Variants in UBL4A observed in about 807,000 individuals in gnomAD.
The protein encoded by UBL4A is ubiquitin-like protein 4A.
A neutral mutation model predicts 11.4 loss-of-function variants in UBL4A; 4 were observed. The observed-to-expected ratio is 0.35, with a 90% CI of 0.17 to 0.81. The LOEUF (loss-of-function observed/expected upper bound fraction) is 0.81. Among genes scored for constraint, UBL4A ranks in the 30% least tolerant of loss-of-function variants. The pLI is 0.52. For missense variants in UBL4A, 112 were observed against 124.9 expected (o/e 0.90, Z 0.49); for synonymous variants, 72 against 61.2 (o/e 1.18, Z -0.83).
At position 154,484,357 on chromosome X, in the gene UBL4A, C is replaced by G. The variant is rs1264907255; in HGVS notation, c.*1182G>C. On this transcript the variant is annotated 3_prime_UTR_variant, in exon 4 of 4. Coordinates refer to ENST00000369660, the MANE Select transcript of UBL4A (RefSeq NM_014235.5). The stretch of plus-strand genomic sequence containing the variant: ...CCACAAGGCCCAGGCAGGAGGGCCT[C>G]CAGCACGCGCAGCCCTGACCACACT... 8.8e-6 allele frequency: 1 copy of G among 113,086 alleles called. No individual in the cohort carries two copies. Among genetic ancestry groups the G allele is most frequent in the African/African-American group, 3.2e-5 (1 of 31,173 alleles). 9.3% of individuals were successfully genotyped at this position (113,086 alleles called of 1,213,427 possible).
At chrX:154,486,516 G>T in intron 1 of UBL4A, 21 bp downstream of exon 1, 1 of 1,032,515 alleles carries the variant, frequency 9.7e-7, no homozygotes, top group Non-Finnish European at 1.2e-6. Context: ...CGGACCCGGC[G>T]GCCCGGCCCG....
rs372299383 is a variant in UBL4A, at chrX:154,485,636, G to T, written c.377C>A (p.Ser126Tyr). ...GTCGTCCAGCGTCAGGCGACTCAGG[G>T]ACCTCTCGTAATCCTGGGGAGAGAA... ...LEQLQRDYER[S>Y]LSRLTLDDIE... Residue 126 changes from serine to tyrosine, a missense_variant, in exon 4 of 4, where the codon TCC (serine) becomes TAC (tyrosine). By Grantham distance (144) the Ser-to-Tyr change is moderately radical (BLOSUM62 -2). Transcript: ENST00000369660. 4.1e-6 allele frequency: 5 copies of T among 1,205,933 alleles called. No homozygotes were observed. Among genetic ancestry groups the T allele is most frequent in the Non-Finnish European group, 5.6e-6 (5 of 893,235 alleles).
chrX:154,486,450 C>G (rs1316528230), intron 1 of UBL4A, 87 bp downstream of exon 1: 2 of 978,070 alleles, frequency 2.0e-6, no homozygotes, highest in Non-Finnish European at 2.6e-6. Context: ...CCGGCCGCCC[C>G]GTGCCCGCCC....
At position 154,486,594 on chromosome X, in the gene UBL4A, G is replaced by A; in HGVS notation, c.-10C>T. On this transcript the variant is annotated 5_prime_UTR_variant, in exon 1 of 4. Transcript: ENST00000369660. ...TCACCGTCAGCTGCATGGCGGTCGC[G>A]ACGGCGTCCACTCGGGCCGGCGCGC... The A allele has an allele frequency of 3.3e-6, 3 of 911,832 alleles. No homozygotes were observed. Among genetic ancestry groups the A allele is most frequent in the Non-Finnish European group, 4.1e-6 (3 of 737,564 alleles). The allele number at this position is 911,832 out of a possible 1,213,427, so 75.1% of individuals were successfully genotyped here. A position where few individuals can be genotyped will look rare whatever the true frequency, so the allele number is the denominator to read the frequency against.
In UBL4A at chrX:154,485,443, TATG is replaced by T. The variant is rs782013441; in HGVS notation, c.*93_*95del. The T allele has an allele frequency of 1.2e-5, 11 of 912,020 alleles. No individual in the cohort carries two copies. Among genetic ancestry groups the T allele is most frequent in the African/African-American group, 1.9e-5 (1 of 51,704 alleles). 75.2% of individuals were successfully genotyped at this position (912,020 alleles called of 1,213,427 possible). ...TGGCCAGAGCCAGGTACATGCCAGC[TATG>T]ATGATGATGAGCCCAACTGCAACAG... On this transcript the variant is annotated 3_prime_UTR_variant, in exon 4 of 4. Coordinates refer to ENST00000369660, the MANE Select transcript of UBL4A (RefSeq NM_014235.5).
Position 154,485,911 on chromosome X carries a change from C to T in UBL4A, c.223G>A (p.Glu75Lys). The T allele has an allele frequency of 8.3e-7, 1 of 1,210,948 alleles. No homozygotes were observed. Among genetic ancestry groups the T allele is most frequent in the Non-Finnish European group, 1.1e-6 (1 of 895,468 alleles). ...SKLNLVVKPL[E>K]KVLLEEGEAQ... The stretch of plus-strand genomic sequence containing the variant: ...TCGCCTTCTTCTAGTAGCACCTTCT[C>T]CAGGGGTTTGACCACTAGGTTGAGC... The change falls in exon 3 of 4, where the codon GAG (glutamate) becomes AAG (lysine). Residue 75 changes from glutamate (E) to lysine (K), a missense_variant. Physicochemically the swap from Glu to Lys is moderately conservative, Grantham distance 56. Coordinates refer to ENST00000369660, the MANE Select transcript of UBL4A (RefSeq NM_014235.5).
At position 154,485,869 on chromosome X, in the gene UBL4A, C is replaced by T. The variant is rs782283486; in HGVS notation, c.265G>A (p.Asp89Asn). ...TGCCAGACCTGCGGGGGTGGGGAGT[C>T]GGCCAGCCTCTGGGCCTCGCCTTCT... is the stretch of plus-strand genomic sequence containing the variant. ...LEEGEAQRLA[D>N]SPPPQVWQLI... The change falls in exon 3 of 4, where the codon GAC (aspartate) becomes AAC (asparagine). Residue 89 changes from aspartate (D) to asparagine (N), a missense_variant. By Grantham distance (23) the Asp-to-Asn change is conservative. Coordinates refer to ENST00000369660, the MANE Select transcript of UBL4A (RefSeq NM_014235.5). 2.2e-5 allele frequency: 27 copies of T among 1,208,617 alleles called. No homozygotes were observed. In the East Asian group the frequency reaches 7.1e-4, roughly 32 times the overall value.
rs1385439085 is a variant in UBL4A, at chrX:154,485,603, C to T, written c.410G>A (p.Arg137Gln). 8.3e-7 allele frequency: 1 copy of T among 1,208,589 alleles called. No homozygotes were observed. The highest frequency in any genetic ancestry group is 1.1e-6 in the Non-Finnish European group (1 of 894,761). ...AGGGTGCAGGAAGCGGCTGGCCAAC[C>T]GTTCGATGTCGTCCAGCGTCAGGCG... Reference protein sequence around the residue: ...LSRLTLDDIERLASRFLHPEV... With the variant: ...LSRLTLDDIEQLASRFLHPEV... Residue 137 changes from arginine (R) to glutamine (Q), a missense_variant, in exon 4 of 4, where the codon CGG (arginine) becomes CAG (glutamine). By Grantham distance (43) the Arg-to-Gln change is conservative. Coordinates refer to ENST00000369660, the MANE Select transcript of UBL4A (RefSeq NM_014235.5).
At chrX:154,486,073 GCGGCATC>G in intron 2 of UBL4A, 94 bp from the exon 3 acceptor site, 1 of 1,096,100 alleles carries the variant, frequency 9.1e-7, no homozygotes, top group Non-Finnish European at 1.2e-6. Context: ...GCGGAGCGCT[GCGGCATC>G]CGGCTGTGAG....
At position 154,483,913 on chromosome X, in the gene UBL4A, T is replaced by C. The variant is rs1325252800; in HGVS notation, c.*1626A>G. ...GGGAGGCAGAAGACACTGGGTGAAA[T>C]TGCTCACCTGCTGCCAATGCCAATA... is the stretch of plus-strand genomic sequence containing the variant. On this transcript the variant is annotated 3_prime_UTR_variant, in exon 4 of 4. Transcript: ENST00000369660. 4 of 112,498 alleles carry C rather than the reference T, an allele frequency of 3.6e-5. No homozygotes were observed. The highest frequency in any genetic ancestry group is 2.8e-4 in the East Asian group (1 of 3,612). 9.3% of individuals were successfully genotyped at this position (112,498 alleles called of 1,213,427 possible).
chrX:154,486,052 G>C (rs782366835), intron 2 of UBL4A, 73 bp from the exon 3 acceptor site: 4 of 1,144,089 alleles, frequency 3.5e-6, no homozygotes, highest in Admixed American at 2.3e-5. Context: ...AGGCCGCCTC[G>C]GGCGGCGGGA....
rs1158725841 is a variant in UBL4A, at chrX:154,484,680, G to A, written c.*859C>T. On this transcript the variant is annotated 3_prime_UTR_variant, in exon 4 of 4. Coordinates refer to ENST00000369660, the MANE Select transcript of UBL4A (RefSeq NM_014235.5). ...ACAGGGAGGCCAGTGCTGGGGATGA[G>A]GACAAAGGCCTACGCCCAGTCCCAG... 2.7e-5 allele frequency: 3 copies of A among 112,936 alleles called. No individual in the cohort carries two copies. Among genetic ancestry groups the A allele is most frequent in the African/African-American group, 9.7e-5 (3 of 31,083 alleles). The allele number at this position is 112,936 out of a possible 1,213,427, so 9.3% of individuals were successfully genotyped here.
intron 3 of UBL4A, 41 bp from the exon 4 acceptor site, chrX:154,485,690 GT>G (rs200846089): frequency 0.082 from 77,873 of 953,301 alleles, 1,810 homozygotes; most frequent in Non-Finnish European, 0.097. Context: ...GCTGCCAGTG[GT>G]GGGGGGGCAT....
In UBL4A at chrX:154,484,406, T is replaced by G. The variant is rs11550367; in HGVS notation, c.*1133A>C. ...CTGTGAGCAGCTCACTTGGCAAGGG[T>G]GAAGGGCCGGAGTGGCGTCCTCCTG... On this transcript the variant is annotated 3_prime_UTR_variant, in exon 4 of 4. Coordinates refer to ENST00000369660, the MANE Select transcript of UBL4A (RefSeq NM_014235.5). 1 of 112,828 alleles carries G rather than the reference T, an allele frequency of 8.9e-6. No homozygotes were observed. The highest frequency in any genetic ancestry group is 2.8e-4 in the East Asian group (1 of 3,573). The allele number at this position is 112,828 out of a possible 1,213,427, so 9.3% of individuals were successfully genotyped here.
In UBL4A at chrX:154,486,233, A is replaced by G; in HGVS notation, c.149T>C (p.Leu50Pro). ...CGTCTCCTCTCCCTGGGTACCTGCC[A>G]GGGCCTTGCCCTTGAACAGCAGCCG... is the stretch of plus-strand genomic sequence containing the variant. Reference protein sequence around the residue: ...QQRLLFKGKALADGKRLSDYS... With the variant: ...QQRLLFKGKAPADGKRLSDYS... Residue 50 changes from leucine to proline, a missense_variant, in exon 2 of 4, where the codon CTG becomes CCG. Coordinates refer to ENST00000369660, the MANE Select transcript of UBL4A (RefSeq NM_014235.5). 1 of 1,154,467 alleles carries G rather than the reference A, an allele frequency of 8.7e-7. No homozygotes were observed. Among genetic ancestry groups the G allele is most frequent in the Non-Finnish European group, 1.2e-6 (1 of 867,129 alleles).
chrX:154,486,194 CG>C, intron 2 of UBL4A, 33 bp downstream of exon 2: 1 of 1,130,188 alleles, frequency 8.8e-7, no homozygotes, highest in Non-Finnish European at 1.2e-6. Flanking sequence ...CCGCTTCCTG[CG>C]GGGCTCCCCG....
intron 1 of UBL4A, 43 bp from the exon 2 acceptor site, chrX:154,486,376 C>T: frequency 9.2e-7 from 1 of 1,083,546 alleles, no homozygotes; most frequent in South Asian, 2.2e-5. Flanking sequence ...AGCCCGCGGC[C>T]CCCAGACGGC....
Position 154,486,323 on chromosome X carries a change from T to C in UBL4A, c.59A>G (p.Asp20Gly). 1 of 1,142,950 alleles carries C rather than the reference T, an allele frequency of 8.7e-7. No homozygotes were observed. Among genetic ancestry groups the C allele is most frequent in the Non-Finnish European group, 1.2e-6 (1 of 861,716 alleles). The allele number at this position is 1,142,950 out of a possible 1,213,427, so 94.2% of individuals were successfully genotyped here. ...GRECSLQVPE[D>G]ELVSTLKQLV... ...CTGCTTCAGCGTGGACACCAGCTCG[T>C]CCTCTGGCACCTGGCCGCGCGGAGG... Residue 20 changes from aspartate (D) to glycine (G), a missense_variant, in exon 2 of 4, where the codon GAC becomes GGC. Transcript: ENST00000369660.
rs961949228 is a variant in UBL4A at position 154,485,058 on chromosome X, C to T, written c.*481G>A. ...TTTCCATTTGTCGAACGCACACTGG[C>T]ACACTGGCTGCAGCAGCTGCGGGGG... On this transcript the variant is annotated 3_prime_UTR_variant, in exon 4 of 4. Transcript: ENST00000369660. 2 of 337,463 alleles carry T rather than the reference C, an allele frequency of 5.9e-6. No homozygotes were observed. Among genetic ancestry groups the T allele is most frequent in the East Asian group, 1.1e-4 (2 of 18,733 alleles). The allele number at this position is 337,463 out of a possible 1,213,427, so 27.8% of individuals were successfully genotyped here. A position where few individuals can be genotyped will look rare whatever the true frequency, so the allele number is the denominator to read the frequency against.
Sources: gnomAD v4.1 joint callset for allele counts on GRCh38, gnomAD v4.1.1 for gene constraint, MANE v1.5 for transcripts, NCBI Gene and HGNC (gene_info 2026-07-23, HGNC 2026-07-21) for gene names.